Variants in PPP2R1B observed in about 807,000 individuals in gnomAD.
PPP2R1B encodes the protein protein phosphatase 2 scaffold subunit Abeta.
In PPP2R1B, 58 loss-of-function variants were observed where a neutral mutation model predicts 72.7. That is an observed-to-expected ratio of 0.80 (90% CI 0.65 to 0.99). The LOEUF is 0.99. Ranked by LOEUF, PPP2R1B falls within the 50% of genes least tolerant of loss-of-function variation. PPP2R1B has a pLI of 0.00. For synonymous variants in PPP2R1B, 256 were observed against 264.6 expected (o/e 0.97, Z 0.32); for missense variants, 695 against 733.6 (o/e 0.95, Z 0.61).
chr11:111,692,148 C>T, the PPP2R1B span, among the ~76,000 whole-genome samples: 1 of 151,284 alleles, frequency 6.6e-6, no homozygotes, highest in Non-Finnish European at 1.5e-5. Flanking sequence ...CTCAGGAGTT[C>T]GAGACCAGCC....
intron 15 of PPP2R1B, chr11:111,727,769 T>G (rs1944022969): frequency 6.6e-6 from 1 of 152,178 alleles, no homozygotes; most frequent in Admixed American, 6.5e-5. Flanking sequence ...TAAGGCAAGG[T>G]GACAAGCAGC....
intron 3 of PPP2R1B, among the ~76,000 whole-genome samples, chr11:111,763,465 G>T (rs575131709): frequency 6.6e-6 from 1 of 152,222 alleles, no homozygotes; most frequent in Non-Finnish European, 1.5e-5. Context: ...GATGTGAACT[G>T]TAAGAGTCGG....
At chr11:111,705,105 G>A in the PPP2R1B span, 8 of 1,592,464 alleles carry the variant, frequency 5.0e-6, no homozygotes, top group South Asian at 2.3e-5. This position sits in a 1 kb window ranked among gnomAD's most constrained non-coding sequence, Gnocchi z 4.3. Flanking sequence ...CGCCAGCGTC[G>A]GCCTAGCACC....
chr11:111,696,582 C>T, the PPP2R1B span, among the ~76,000 whole-genome samples: 3 of 152,134 alleles, frequency 2.0e-5, no homozygotes, highest in African/African-American at 7.2e-5. Flanking sequence ...TTAGAGAAGA[C>T]ATTAAACTAG....
the PPP2R1B span, among the ~76,000 whole-genome samples, chr11:111,715,214 C>T: frequency 2.2e-4 from 34 of 152,344 alleles, no homozygotes; most frequent in South Asian, 2.7e-3. Flanking sequence ...AGACATCCTC[C>T]GGGCTTCTTT....
At chr11:111,706,074 T>C in the PPP2R1B span, among the ~76,000 whole-genome samples, 1,234 of 152,334 alleles carry the variant, frequency 8.1e-3, 20 homozygotes, top group African/African-American at 0.028. Context: ...TCCTGCTATG[T>C]GACATTTTAA....
rs1944495451 is a variant in PPP2R1B at position 111,740,932 on chromosome 11, A to C, written c.*664T>G. On this transcript the variant is annotated 3_prime_UTR_variant, in exon 15 of 15. Transcript: ENST00000527614. ...AGCTGTTCAAATTCAGTTAGGCGTC[A>C]ACATCACACATTAGCAGCAAGATGC... 1.0e-6 allele frequency: 1 copy of C among 985,390 alleles called. No individual in the cohort carries two copies. Among genetic ancestry groups the C allele is most frequent in the Admixed American group, 6.1e-5 (1 of 16,272 alleles). 61.0% of individuals were successfully genotyped at this position (985,390 alleles called of 1,614,324 possible). A position where few individuals can be genotyped will look rare whatever the true frequency, so the allele number is the denominator to read the frequency against.
At position 111,760,908 on chromosome 11, in the gene PPP2R1B, C is replaced by T; in HGVS notation, c.450G>A (p.Gly150=). 3.7e-6 allele frequency: 6 copies of T among 1,614,130 alleles called. No individual in the cohort carries two copies. The highest frequency in any genetic ancestry group is 5.1e-6 in the Non-Finnish European group (6 of 1,180,018). ...CAGATGTGCGAGAGGTGAACCAATCCCCACTTGCTAAGCGTTTCACCAGAG... is the reference window on the plus strand; with the variant it reads ...CAGATGTGCGAGAGGTGAACCAATCTCCACTTGCTAAGCGTTTCACCAGAG... ...FVPLVKRLAS[G]DWFTSRTSAC... is the part of the protein sequence containing the mutation. Residue 150 remains glycine, a synonymous_variant, in exon 4 of 15, where the codon GGG becomes GGA. Transcript: ENST00000527614.
the PPP2R1B span, among the ~76,000 whole-genome samples, chr11:111,706,984 T>C: frequency 6.6e-6 from 1 of 150,536 alleles, no homozygotes; most frequent in Non-Finnish European, 1.5e-5. Flanking sequence ...AAAAAAAGTA[T>C]TGATACAGAT....
chr11:111,722,496 G>A (rs908002731), downstream of PPP2R1B, among the ~76,000 whole-genome samples: 4 of 152,246 alleles, frequency 2.6e-5, no homozygotes, highest in African/African-American at 4.8e-5. This position sits in a 1 kb window ranked among gnomAD's most constrained non-coding sequence, Gnocchi z 4.4. Context: ...GCCCAGGCCT[G>A]CGGGCCCGAT....
Position 111,759,877 on chromosome 11 carries a change from G to A in PPP2R1B, c.614C>T (p.Ala205Val). 1 of 1,614,096 alleles carries A rather than the reference G, an allele frequency of 6.2e-7. No homozygotes were observed. Among genetic ancestry groups the A allele is most frequent in the Non-Finnish European group, 8.5e-7 (1 of 1,179,966 alleles). Residue 205 changes from alanine (A) to valine (V), a missense_variant, in exon 5 of 15, where the codon GCA (alanine) becomes GTA (valine). By Grantham distance (64) the Ala-to-Val change is moderately conservative. Transcript: ENST00000527614. ...RAAASKLGEFAKVLELDSVKS... is the reference protein window; with the variant it reads ...RAAASKLGEFVKVLELDSVKS... ...CACACTGTCTAATTCCAAAACTTTT[G>A]CAAATTCACCCAATTTGGAAGCAGC... is the stretch of plus-strand genomic sequence containing the variant.
intron 4 of PPP2R1B, among the ~76,000 whole-genome samples, chr11:111,760,358 T>C (rs1470251361): frequency 2.6e-5 from 4 of 152,192 alleles, no homozygotes; most frequent in Admixed American, 6.5e-5. Context: ...AATTTTTTTC[T>C]TTTTAGTAGA....
At chr11:111,722,642 AT>A (rs1943836816), downstream of PPP2R1B, 8 of 1,609,414 alleles carry the variant, frequency 5.0e-6, no homozygotes, top group Non-Finnish European at 5.9e-6. The surrounding 1 kb of genome is among the most constrained non-coding windows in gnomAD (Gnocchi z 4.4). Flanking sequence ...TGTCACGCTC[AT>A]GTTGTTTTTC....
chr11:111,756,870 T>C (rs1428862527), intron 5 of PPP2R1B, among the ~76,000 whole-genome samples: 1 of 152,098 alleles, frequency 6.6e-6, no homozygotes, highest in Non-Finnish European at 1.5e-5. Context: ...TCCCAGCACT[T>C]TGGGAGGCCG....
At chr11:111,764,046 G>A (rs1457418819) in intron 3 of PPP2R1B, among the ~76,000 whole-genome samples, 1 of 152,102 alleles carries the variant, frequency 6.6e-6, no homozygotes, top group Non-Finnish European at 1.5e-5. Flanking sequence ...TTAAAACCTA[G>A]TTCAGACATC....
downstream of PPP2R1B, chr11:111,737,389 C>T (rs1944368956): frequency 6.2e-7 from 1 of 1,612,438 alleles, no homozygotes; most frequent in Non-Finnish European, 8.5e-7. Flanking sequence ...CACACCATGC[C>T]ACCCTGGCTG....
At chr11:111,759,711 C>A in intron 5 of PPP2R1B, 93 bp downstream of exon 5, 2 of 1,368,390 alleles carry the variant, frequency 1.5e-6, no homozygotes, top group Non-Finnish European at 2.0e-6. Context: ...TAAAAAGAAT[C>A]CTAACAAGAA....
intron 5 of PPP2R1B, among the ~76,000 whole-genome samples, chr11:111,757,917 T>C (rs1945184191): frequency 6.6e-6 from 1 of 152,134 alleles, no homozygotes; most frequent in Admixed American, 6.5e-5. Context: ...GAATTTTCTC[T>C]ATCTTAACGA....
downstream of PPP2R1B, among the ~76,000 whole-genome samples, chr11:111,733,578 C>G (rs1944257045): frequency 6.6e-6 from 1 of 152,142 alleles, no homozygotes; most frequent in African/African-American, 2.4e-5. Context: ...AAATCAGACC[C>G]TGAGGAGACT....
Sources: gnomAD v4.1 joint callset for allele counts (sites outside exome capture counted in the v4.1 genomes callset) on GRCh38, gnomAD v4.1.1 for gene constraint, Gnocchi (gnomAD v3.1) non-coding constraint, MANE v1.5 for transcripts, NCBI Gene and HGNC (gene_info 2026-07-23, HGNC 2026-07-21) for gene names.